LPIN2: variants seen among roughly 807,000 people sequenced by gnomAD.
The protein encoded by LPIN2 is lipin 2.
In LPIN2, 55 loss-of-function variants were observed where a neutral mutation model predicts 111.4. The observed-to-expected ratio is 0.49, with a 90% confidence interval of 0.40 to 0.62. LPIN2 has a LOEUF of 0.62. Among genes scored for constraint, LPIN2 ranks in the 20% least tolerant of loss-of-function variants. The pLI is 0.00. For missense variants in LPIN2, 992 were observed against 1,112.1 expected, an observed-to-expected ratio of 0.89 and a Z score of 1.54; for synonymous variants, 425 against 414.0, an observed-to-expected ratio of 1.03 and a Z score of -0.32.
chr18:2,917,746 G>A lies in LPIN2; in HGVS notation c.*2547C>T, dbSNP rs1403957326. The A allele has an allele frequency of 3.3e-5, 5 of 152,310 alleles. No individual in the cohort carries two copies. The highest frequency in any genetic ancestry group is 3.8e-4 in the East Asian group (2 of 5,196). The allele number at this position is 152,310 out of a possible 1,614,324, so 9.4% of individuals were successfully genotyped here. On this transcript the variant is annotated 3_prime_UTR_variant, in exon 20 of 20. Transcript: ENST00000677752. ...GGGCAGACAGCAACTCACACGGGAC[G>A]AGCTTCAGCACACAGACAGCAAAGC...
Position 2,931,338 on chromosome 18 carries a change from G to A in LPIN2, c.1374C>T (p.Cys458=). The stretch of plus-strand genomic sequence containing the variant: ...GCAAGTCCATGGCAGAATCTGAGAG[G>A]CACTCGGTGCCGCTATCTGCAGCTG... ...GSAAADSGTE[C]LSDSAMDLPD... is the part of the protein sequence containing the mutation. Residue 458 remains cysteine, a synonymous_variant, in exon 9 of 20, where the codon TGC becomes TGT. Transcript: ENST00000677752. 6.2e-7 allele frequency: 1 copy of A among 1,614,168 alleles called. No homozygotes were observed.
intron 1 of LPIN2, among the ~76,000 whole-genome samples, chr18:2,970,909 TG>T (rs2077896636): frequency 6.6e-6 from 1 of 152,176 alleles, no homozygotes; most frequent in Non-Finnish European, 1.5e-5. Flanking sequence ...TTCACTATGA[TG>T]ATTTCAACAC....
At position 2,919,938 on chromosome 18, in the gene LPIN2, C is replaced by G; in HGVS notation, c.*355G>C. On this transcript the variant is annotated 3_prime_UTR_variant, in exon 20 of 20. Transcript: ENST00000677752. ...CTGCCCAGTGGAAACTGGAACACTTCACTGTGTGCAGTGTTTTGGTCCACT... is the reference window on the plus strand; with the variant it reads ...CTGCCCAGTGGAAACTGGAACACTTGACTGTGTGCAGTGTTTTGGTCCACT... 1 of 361,390 alleles carries G rather than the reference C, an allele frequency of 2.8e-6. No homozygotes were observed. The highest frequency in any genetic ancestry group is 2.4e-5 in the South Asian group (1 of 41,882). 22.4% of individuals were successfully genotyped at this position (361,390 alleles called of 1,614,324 possible).
chr18:3,003,799 GA>G (rs1359493895), intron 1 of LPIN2, among the ~76,000 whole-genome samples: 1 of 152,140 alleles, frequency 6.6e-6, no homozygotes, highest in Non-Finnish European at 1.5e-5. Flanking sequence ...AATTTTCAGG[GA>G]ACAATGGAAG....
intron 17 of LPIN2, 101 bp from the exon 18 acceptor site, chr18:2,921,748 A>G: frequency 1.2e-6 from 1 of 845,642 alleles, no homozygotes; most frequent in South Asian, 1.4e-5. Flanking sequence ...AATTTCTTCA[A>G]CCCTTTGTAA....
intron 1 of LPIN2, among the ~76,000 whole-genome samples, chr18:2,992,876 C>T (rs925787732): frequency 1.3e-5 from 2 of 150,824 alleles, no homozygotes; most frequent in Non-Finnish European, 2.9e-5. Context: ...GTCCCAGCTA[C>T]TCGGGAGGCT....
intron 1 of LPIN2, among the ~76,000 whole-genome samples, chr18:2,979,892 C>T (rs1370618240): frequency 2.6e-5 from 4 of 152,116 alleles, no homozygotes; most frequent in African/African-American, 9.7e-5. Flanking sequence ...TTTCAGTGCA[C>T]ACTGTCACTT....
chr18:3,008,398 C>T (rs144227507), intron 1 of LPIN2, among the ~76,000 whole-genome samples: 517 of 152,330 alleles, frequency 3.4e-3, no homozygotes, highest in African/African-American at 0.012. Flanking sequence ...GCCGAGATTG[C>T]ACCACTGCAC....
At chr18:3,007,673 T>C (rs1468589806) in intron 1 of LPIN2, among the ~76,000 whole-genome samples, 3 of 152,170 alleles carry the variant, frequency 2.0e-5, no homozygotes, top group Admixed American at 6.6e-5. Flanking sequence ...AAGCACATTG[T>C]TTTACAAACA....
chr18:2,929,960 T>TA (rs2077190231), intron 9 of LPIN2, among the ~76,000 whole-genome samples: 2 of 152,108 alleles, frequency 1.3e-5, no homozygotes, highest in African/African-American at 4.8e-5. Context: ...CTTGGAGAAT[T>TA]AAAAAAACAA....
chr18:3,010,881 C>A (rs1225503598), intron 1 of LPIN2, among the ~76,000 whole-genome samples: 2 of 152,176 alleles, frequency 1.3e-5, no homozygotes, highest in Non-Finnish European at 2.9e-5. Context: ...TGACCCTTTA[C>A]CACCTCTAAC....
chr18:3,012,996 C>G (rs2078633302), intron 1 of LPIN2, 91 bp downstream of exon 1: 1 of 150,836 alleles, frequency 6.6e-6, no homozygotes, highest in South Asian at 2.1e-4. Flanking sequence ...AGGACAGCCC[C>G]GGGCCCGCGC....
At chr18:2,927,111 T>G (rs1296286212) in intron 12 of LPIN2, among the ~76,000 whole-genome samples, 1 of 152,178 alleles carries the variant, frequency 6.6e-6, no homozygotes, top group East Asian at 1.9e-4. Flanking sequence ...CTTCTCCTCC[T>G]GGGAGTAACT....
In LPIN2 at chr18:2,918,641, C is replaced by T. The variant is rs776078787; in HGVS notation, c.*1652G>A. On this transcript the variant is annotated 3_prime_UTR_variant, in exon 20 of 20. Transcript: ENST00000677752. Reference sequence around the variant, plus strand: ...GCTCATGTGGTCCCTTCTCTGGGAACATGAGCCTTCCTAGGTTTTGCCACT... The same window carrying T: ...GCTCATGTGGTCCCTTCTCTGGGAATATGAGCCTTCCTAGGTTTTGCCACT... 7 of 152,194 alleles carry T rather than the reference C, an allele frequency of 4.6e-5. No individual in the cohort carries two copies. Among genetic ancestry groups the T allele is most frequent in the Non-Finnish European group, 8.8e-5 (6 of 68,032 alleles). 9.4% of individuals were successfully genotyped at this position (152,194 alleles called of 1,614,324 possible).
chr18:2,956,337 TGTGTGTG>T (rs2077616390), intron 2 of LPIN2, among the ~76,000 whole-genome samples: 1 of 151,454 alleles, frequency 6.6e-6, no homozygotes, highest in East Asian at 1.9e-4. Flanking sequence ...TGTGTGTGTG[TGTGTGTG>T]TACACGTGCA....
chr18:2,956,295 C>CA (rs1355132009), intron 2 of LPIN2, among the ~76,000 whole-genome samples: 1 of 115,872 alleles, frequency 8.6e-6, no homozygotes, highest in East Asian at 2.5e-4. Flanking sequence ...TCATGATTTT[C>CA]ATATATAGAT....
intron 1 of LPIN2, among the ~76,000 whole-genome samples, chr18:3,002,027 T>C (rs2078441665): frequency 6.6e-6 from 1 of 152,094 alleles, no homozygotes; most frequent in South Asian, 2.1e-4. Flanking sequence ...GTCTCATTAG[T>C]AAGACAAAAC....
chr18:2,949,119 A>C (rs892000116), intron 4 of LPIN2, among the ~76,000 whole-genome samples: 8 of 152,146 alleles, frequency 5.3e-5, no homozygotes, highest in Non-Finnish European at 8.8e-5. Flanking sequence ...TAATGTTTTT[A>C]ATATTCCTGA....
intron 16 of LPIN2, among the ~76,000 whole-genome samples, chr18:2,923,533 T>C (rs1423943981): frequency 6.6e-6 from 1 of 151,854 alleles, no homozygotes; most frequent in African/African-American, 2.4e-5. Flanking sequence ...TCATTCTAGT[T>C]ATAGATGTAG....
Sources: allele counts gnomAD v4.1 joint callset (sites outside exome capture counted in the v4.1 genomes callset), GRCh38; gene constraint gnomAD v4.1.1; transcripts MANE v1.5; gene names NCBI Gene and HGNC (gene_info 2026-07-23, HGNC 2026-07-21).